Variants in ITGA7 observed in about 807,000 individuals in gnomAD.
The protein encoded by ITGA7 is integrin alpha-7.
Under a neutral mutation model 131.6 loss-of-function variants are expected in ITGA7, and 84 were observed. The observed-to-expected ratio is 0.64, with a 90% CI of 0.54 to 0.77. The LOEUF (loss-of-function observed/expected upper bound fraction) is 0.77, where lower values mean the gene tolerates loss of function less well. Ranked by LOEUF, ITGA7 falls within the 30% of genes least tolerant of loss-of-function variation. ITGA7 has a pLI of 0.00. For missense variants in ITGA7, 1,399 were observed against 1,482.9 expected, an observed-to-expected ratio of 0.94 and a Z score of 0.93; for synonymous variants, 548 against 600.7, an observed-to-expected ratio of 0.91 and a Z score of 1.28.
At chr12:55,708,247 A>G (rs1381755917), upstream of ITGA7, among the ~76,000 whole-genome samples, 1 of 152,222 alleles carries the variant, frequency 6.6e-6, no homozygotes, top group Non-Finnish European at 1.5e-5. Flanking sequence ...GAAGTTGGGA[A>G]GACGCTAAAA....
intron 3 of ITGA7, among the ~76,000 whole-genome samples, chr12:55,701,846 GTCT>G (rs1874094278): frequency 6.6e-6 from 1 of 152,174 alleles, no homozygotes; most frequent in African/African-American, 2.4e-5. Flanking sequence ...CTCTGCAGAA[GTCT>G]TCTCTCTACT....
chr12:55,685,066 T>C lies in ITGA7; in HGVS notation c.3406A>G (p.Thr1136Ala). 1 of 1,586,686 alleles carries C rather than the reference T, an allele frequency of 6.3e-7. No individual in the cohort carries two copies. The highest frequency in any genetic ancestry group is 8.6e-7 in the Non-Finnish European group (1 of 1,169,442). The change falls in exon 25 of 25, where the codon ACC (threonine) becomes GCC (alanine). Residue 1136 changes from threonine (T) to alanine (A), a missense_variant. Transcript: ENST00000257879. ...GGCTGGGACATGGGAACCTAGGCGG[T>C]GCCTGGCCCTGGATGCCCATCGGGG... The part of the protein sequence containing the change: ...LGPDGHPGPG[T>A]A
intron 5 of ITGA7, chr12:55,699,505 A>G: frequency 3.0e-6 from 1 of 338,122 alleles, no homozygotes; most frequent in Non-Finnish European, 5.7e-6. Context: ...AACGAGAGGG[A>G]CTTACCAACA....
In ITGA7 at chr12:55,698,006, A is replaced by C; in HGVS notation, c.1213T>G (p.Phe405Val). Residue 405 changes from phenylalanine to valine, a missense_variant, in exon 8 of 25, where the codon TTT becomes GTT. Physicochemically the swap from Phe to Val is conservative, Grantham distance 50. Coordinates refer to ENST00000257879, the MANE Select transcript of ITGA7 (RefSeq NM_002206.3). ...GFPDIAVGAPFDGDGKVFIYH... is the reference protein window; with the variant it reads ...GFPDIAVGAPVDGDGKVFIYH... The stretch of plus-strand genomic sequence containing the variant: ...ATGAAGACTTTCCCATCACCATCAA[A>C]GGGGGCACCCACTGCAATATCTGCA... 1 of 1,614,092 alleles carries C rather than the reference A, an allele frequency of 6.2e-7. No homozygotes were observed. The highest frequency in any genetic ancestry group is 8.5e-7 in the Non-Finnish European group (1 of 1,180,016).
intron 1 of ITGA7, among the ~76,000 whole-genome samples, chr12:55,705,952 G>A (rs1449236800): frequency 6.6e-6 from 1 of 152,052 alleles, no homozygotes; most frequent in Admixed American, 6.5e-5. Flanking sequence ...GCAGGTGCCT[G>A]GCCTCTCACA....
chr12:55,710,225 G>A (rs924877666), upstream of ITGA7, among the ~76,000 whole-genome samples: 4 of 152,088 alleles, frequency 2.6e-5, no homozygotes, highest in African/African-American at 9.7e-5. Context: ...GCCGGGTGTG[G>A]TGGCGGGTAC....
At chr12:55,687,016 G>C (rs751786579) in intron 24 of ITGA7, among the ~76,000 whole-genome samples, 8 of 151,762 alleles carry the variant, frequency 5.3e-5, no homozygotes, top group Non-Finnish European at 1.0e-4. Context: ...CTGAGGACTG[G>C]TTCCAGTGCT....
chr12:55,701,504 G>C (rs1468379595), intron 3 of ITGA7: 1 of 1,359,672 alleles, frequency 7.4e-7, no homozygotes, highest in Non-Finnish European at 1.0e-6. Flanking sequence ...TGCCAAGCTT[G>C]GCCCTGTCCC....
At chr12:55,712,886 G>A (rs972941494), upstream of ITGA7, among the ~76,000 whole-genome samples, 52 of 152,336 alleles carry the variant, frequency 3.4e-4, no homozygotes, top group African/African-American at 1.2e-3. Flanking sequence ...AGAGGCTAAT[G>A]TCTGCAGAAT....
chr12:55,684,678 TC>T lies in ITGA7; in HGVS notation c.*379del. 1 of 236,694 alleles carries T rather than the reference TC, an allele frequency of 4.2e-6. No homozygotes were observed. The highest frequency in any genetic ancestry group is 5.0e-5 in the Admixed American group (1 of 19,860). The allele number at this position is 236,694 out of a possible 1,614,324, so 14.7% of individuals were successfully genotyped here. A position where few individuals can be genotyped will look rare whatever the true frequency, so the allele number is the denominator to read the frequency against. ...GAAACTAGAGAAGGAGCAGCCTGAG[TC>T]AGTGACACAACCTCCTCCCCGACCC... On this transcript the variant is annotated 3_prime_UTR_variant, in exon 25 of 25. Transcript: ENST00000257879.
At chr12:55,706,089 A>T (rs563123352) in intron 1 of ITGA7, among the ~76,000 whole-genome samples, 1 of 152,300 alleles carries the variant, frequency 6.6e-6, no homozygotes, top group African/African-American at 2.4e-5. Flanking sequence ...TTCAGAGAGG[A>T]GGGGGAAATG....
chr12:55,695,266 A>C (rs1472887137), intron 14 of ITGA7: 1 of 597,860 alleles, frequency 1.7e-6, no homozygotes, highest in East Asian at 2.8e-5. Context: ...AGAGGTTTGA[A>C]GACTAACCAA....
intron 13 of ITGA7, 122 bp from the exon 14 acceptor site, chr12:55,695,759 T>A (rs1210656870): frequency 1.2e-5 from 9 of 722,028 alleles, no homozygotes; most frequent in Non-Finnish European, 2.5e-6. Context: ...AACTCTCAGA[T>A]CTGCTGCTTA....
chr12:55,688,143 C>T, intron 23 of ITGA7, 47 bp from the exon 24 acceptor site: 1 of 1,614,146 alleles, frequency 6.2e-7, no homozygotes, highest in Non-Finnish European at 8.5e-7. Context: ...GGAACAAGAA[C>T]TGGAGGGAGC....
Position 55,700,887 on chromosome 12 carries a change from G to A in ITGA7, c.670+12C>T, listed in dbSNP as rs1288124493. The A allele has an allele frequency of 1.9e-6, 3 of 1,614,084 alleles. No homozygotes were observed. ...TTTGGTCCCCTTCTCCCCTTCCCGA[G>A]GAGTGACTCACCCTTCCAATTATAG... On this transcript the variant is annotated intron_variant, in intron 4 of 24. Coordinates refer to ENST00000257879, the MANE Select transcript of ITGA7 (RefSeq NM_002206.3).
chr12:55,697,403 G>T lies in ITGA7; in HGVS notation c.1505+48C>A, dbSNP rs375872624. 6 of 1,587,488 alleles carry T rather than the reference G, an allele frequency of 3.8e-6. No individual in the cohort carries two copies. In the African/African-American group the frequency reaches 8.1e-5, roughly 21 times the overall value. On this transcript the variant is annotated intron_variant, in intron 10 of 24. Transcript: ENST00000257879. ...CTGGGGAGATAAAGGATCAAAGGGA[G>T]GGCAGGGGAAGCTGCCAGGGTCCAG...
In ITGA7 at chr12:55,698,429, C is replaced by T; in HGVS notation, c.1146G>A (p.Gly382=). 3 of 1,613,750 alleles carry T rather than the reference C, an allele frequency of 1.9e-6. No individual in the cohort carries two copies. Among genetic ancestry groups the T allele is most frequent in the South Asian group, 2.2e-5 (2 of 91,064 alleles). ...RLCGSPDSMF[G]ISLAVLGDLN... is the part of the protein sequence containing the mutation. ...GGTCCCCCAGGACAGCCAGGCTGAT[C>T]CCGAACATGGAGTCAGGGGAGCCGC... The change falls in exon 7 of 25, where the codon GGG becomes GGA. Residue 382 remains glycine (G), a synonymous_variant. Coordinates refer to ENST00000257879, the MANE Select transcript of ITGA7 (RefSeq NM_002206.3).
At position 55,685,206 on chromosome 12, in the gene ITGA7, T is replaced by G; in HGVS notation, c.3266A>C (p.Gln1089Pro). ...HAVKIPREDRQQFKEEKTGTI... is the reference protein window; with the variant it reads ...HAVKIPREDRPQFKEEKTGTI... ...GCCCGTCTTCTCCTCCTTGAACTGC[T>G]GTCGGTCTTCCCGAGGAATCTTCAC... The change falls in exon 25 of 25, where the codon CAG (glutamine) becomes CCG (proline). Residue 1089 changes from glutamine to proline, a missense_variant. Transcript: ENST00000257879. The G allele has an allele frequency of 6.2e-7, 1 of 1,614,220 alleles. No homozygotes were observed. Among genetic ancestry groups the G allele is most frequent in the Non-Finnish European group, 8.5e-7 (1 of 1,180,028 alleles).
At position 55,686,789 on chromosome 12, in the gene ITGA7, T is replaced by G. The variant is rs552311923; in HGVS notation, c.3183+1182A>C. ...GAATGCTTCCATGCAGAGCCTGGTA[T>G]GTGGAAGCTCTGAGTTCCGCCATGA... On this transcript the variant is annotated intron_variant, in intron 24 of 24. Coordinates refer to ENST00000257879, the MANE Select transcript of ITGA7 (RefSeq NM_002206.3). Among the ~76,000 whole-genome samples the G allele has an allele frequency of 2.0e-5, 3 of 152,366 alleles. No individual in the cohort carries two copies. In the South Asian group the frequency reaches 6.2e-4, roughly 32 times the overall value.
Sources: allele counts gnomAD v4.1 joint callset (sites outside exome capture counted in the v4.1 genomes callset), GRCh38; gene constraint gnomAD v4.1.1; transcripts MANE v1.5; gene names NCBI Gene and HGNC (gene_info 2026-07-23, HGNC 2026-07-21).